The following DLGAP1 variants were observed in gnomAD, a reference collection of about 807,000 sequenced individuals.
DLGAP1 encodes disks large-associated protein 1.
DLGAP1 carries 11 observed loss-of-function variants against 90.8 expected under a neutral mutation model. The ratio of observed to expected loss-of-function variants is 0.12; its 90% CI spans 0.08 to 0.20. The LOEUF (loss-of-function observed/expected upper bound fraction) is 0.20, where lower values mean the gene tolerates loss of function less well. DLGAP1 is among the 10% of genes least tolerant of loss of function. The pLI is 1.00. For missense variants in DLGAP1, 1,050 were observed against 1,333.8 expected, an observed-to-expected ratio of 0.79 and a Z score of 3.31; for synonymous variants, 558 against 540.7, an observed-to-expected ratio of 1.03 and a Z score of -0.44.
At chr18:3,720,888 C>CAAAAAAGAAAAAAAA (rs2061949460) in intron 7 of DLGAP1, among the ~76,000 whole-genome samples, 1 of 50,312 alleles carries the variant, frequency 2.0e-5, no homozygotes, top group Non-Finnish European at 3.6e-5. Flanking sequence ...CTTGTCTCTA[C>CAAAAAAGAAAAAAAA]AAAAAAAAAA....
chr18:3,708,518 A>C (rs1416443729), intron 7 of DLGAP1: 1 of 456,594 alleles, frequency 2.2e-6, no homozygotes, highest in Non-Finnish European at 4.4e-6. Context: ...AGGACAATAC[A>C]AGTGTCTCAT....
At position 3,828,295 on chromosome 18, in the gene DLGAP1, C is replaced by T. The variant is rs2067832467; in HGVS notation, c.958-14022G>A. Among the ~76,000 whole-genome samples, 4 of 152,248 alleles carry T rather than the reference C, an allele frequency of 2.6e-5. No individual in the cohort carries two copies. The Middle Eastern group carries it at 0.01, about 388-fold the overall frequency. ...TGAAGTTTGAATGCTTTTTCATGTT[C>T]TTGTACATCAGCCTCTGGGGGCCAG... On this transcript the variant is annotated intron_variant, in intron 4 of 12. Transcript: ENST00000315677.
intron 1 of DLGAP1, among the ~76,000 whole-genome samples, chr18:4,334,601 C>T (rs980761519): frequency 5.3e-5 from 8 of 151,812 alleles, no homozygotes; most frequent in African/African-American, 1.7e-4. Context: ...AACTACATGT[C>T]ATGCAAATGA....
intron 1 of DLGAP1, among the ~76,000 whole-genome samples, chr18:4,367,645 C>G (rs770828742): frequency 6.6e-6 from 1 of 152,010 alleles, no homozygotes; most frequent in Non-Finnish European, 1.5e-5. Flanking sequence ...GTCAGGAGAT[C>G]GAGACCATCT....
In DLGAP1 at chr18:4,368,671, ACACACACACACATCC is replaced by A. The variant is rs1409539650; in HGVS notation, c.-267+86320_-267+86334del. ...CACACACACACACACACACACACAC[ACACACACACACATCC>A]TATTGGTTCTGTTTCTCTAGAGAAC... On this transcript the variant is annotated intron_variant, in intron 1 of 12. Coordinates refer to ENST00000315677, the MANE Select transcript of DLGAP1 (RefSeq NM_004746.4). Among the ~76,000 whole-genome samples, 11 of 151,330 alleles carry A rather than the reference ACACACACACACATCC, an allele frequency of 7.3e-5. No individual in the cohort carries two copies. In the East Asian group the frequency reaches 2.1e-3, roughly 29 times the overall value.
intron 7 of DLGAP1, among the ~76,000 whole-genome samples, chr18:3,709,797 A>G (rs537627293): frequency 6.6e-6 from 1 of 152,292 alleles, no homozygotes; most frequent in Admixed American, 6.5e-5. Flanking sequence ...GAAGGATTCA[A>G]TAATACTTGA....
chr18:4,391,293 A>C (rs1368658035), intron 1 of DLGAP1, among the ~76,000 whole-genome samples: 2 of 152,202 alleles, frequency 1.3e-5, no homozygotes, highest in Non-Finnish European at 2.9e-5. Context: ...TAAAAATGGC[A>C]GAGTCCAGTT....
chr18:3,704,079 C>A (rs2061363355), intron 7 of DLGAP1, among the ~76,000 whole-genome samples: 1 of 152,208 alleles, frequency 6.6e-6, no homozygotes, highest in Non-Finnish European at 1.5e-5. Context: ...GCAGTGACAG[C>A]AGAAAGGACA....
intron 1 of DLGAP1, among the ~76,000 whole-genome samples, chr18:4,356,827 T>G (rs957649207): frequency 6.6e-6 from 1 of 152,160 alleles, no homozygotes; most frequent in Non-Finnish European, 1.5e-5. Context: ...ACCTCTTCCC[T>G]TCCTATTATC....
intron 7 of DLGAP1, among the ~76,000 whole-genome samples, chr18:3,714,953 C>A (rs759239122): frequency 5.3e-5 from 8 of 152,128 alleles, no homozygotes; most frequent in Non-Finnish European, 7.4e-5. Context: ...TAAAATTCCG[C>A]AGACAACACT....
chr18:4,197,199 A>AAAAAAAAAAAAG (rs1555760529), intron 1 of DLGAP1, among the ~76,000 whole-genome samples: 1 of 144,304 alleles, frequency 6.9e-6, no homozygotes, highest in African/African-American at 2.7e-5. Context: ...AAAAAAAAAA[A>AAAAAAAAAAAAG]AAAAAAAAAG....
chr18:3,520,762 A>G (rs35041077), intron 10 of DLGAP1, among the ~76,000 whole-genome samples: 37,921 of 152,194 alleles, frequency 0.25, 5,287 homozygotes, highest in South Asian at 0.37. Context: ...TGGCAGCCTT[A>G]GCAAATTATT....
In DLGAP1 at chr18:3,957,274, C is replaced by T. The variant is rs139482548; in HGVS notation, c.-73+47842G>A. 1.2e-4 allele frequency among the ~76,000 whole-genome samples: 19 copies of T among 152,230 alleles called. No individual in the cohort carries two copies. The East Asian group carries it at 3.5e-3, about 28-fold the overall frequency. ...GCCAGGAGCCAAGGAATGCTGGTGG[C>T]CCCTGGAAGCCTGTAAGGGAAAAGG... On this transcript the variant is annotated intron_variant, in intron 3 of 12. Transcript: ENST00000315677.
intron 3 of DLGAP1, among the ~76,000 whole-genome samples, chr18:3,971,671 G>A (rs2073453447): frequency 6.6e-6 from 1 of 152,144 alleles, no homozygotes; most frequent in African/African-American, 2.4e-5. Flanking sequence ...AAGCTAAGCT[G>A]TACTAAGGAT....
In DLGAP1 at chr18:4,454,011, G is replaced by C. The variant is rs1490612392; in HGVS notation, c.-267+995C>G. Among the ~76,000 whole-genome samples the C allele has an allele frequency of 6.6e-6, 1 of 152,196 alleles. No individual in the cohort carries two copies. The highest frequency in any genetic ancestry group is 1.5e-5 in the Non-Finnish European group (1 of 68,048). ...GGCTGGAGGCAAGCCCTGCAGCCGG[G>C]GGCGAGCGCGGCACTCGGACACAGG... On this transcript the variant is annotated intron_variant, in intron 1 of 12. Transcript: ENST00000315677. This position sits in a 1 kb window ranked among gnomAD's most constrained non-coding sequence, Gnocchi z 4.7.
intron 1 of DLGAP1, among the ~76,000 whole-genome samples, chr18:4,453,815 G>A (rs896376735): frequency 1.3e-5 from 2 of 152,172 alleles, no homozygotes; most frequent in Non-Finnish European, 2.9e-5. Flanking sequence ...TCCCACGACC[G>A]GGAGTCAGTC....
chr18:3,622,017 A>G (rs2146039755), intron 7 of DLGAP1, among the ~76,000 whole-genome samples: 1 of 152,236 alleles, frequency 6.6e-6, no homozygotes, highest in East Asian at 1.9e-4. Context: ...CTTTGCCAAC[A>G]GAGGGTACCT....
chr18:4,069,340 T>G (rs2075413311), intron 2 of DLGAP1, among the ~76,000 whole-genome samples: 1 of 152,166 alleles, frequency 6.6e-6, no homozygotes, highest in South Asian at 2.1e-4. Context: ...AAATCATGCC[T>G]TGGGGATTGA....
chr18:3,679,261 T>C (rs2060424145), intron 7 of DLGAP1, among the ~76,000 whole-genome samples: 1 of 147,942 alleles, frequency 6.8e-6, no homozygotes, highest in Non-Finnish European at 1.5e-5. Flanking sequence ...ACCTCCATTC[T>C]CTTATAATTA....
Sources: allele counts gnomAD v4.1 joint callset (sites outside exome capture counted in the v4.1 genomes callset), GRCh38; gene constraint gnomAD v4.1.1; non-coding constraint Gnocchi (gnomAD v3.1); transcripts MANE v1.5; gene names NCBI Gene and HGNC (gene_info 2026-07-23, HGNC 2026-07-21).